Variants in MED12L observed in about 807,000 individuals in gnomAD.
The protein encoded by MED12L is mediator of RNA polymerase II transcription subunit 12-like protein.
MED12L carries 60 observed loss-of-function variants against 281.3 expected under a neutral mutation model. That is an observed-to-expected ratio of 0.21 (90% CI 0.17 to 0.26). MED12L has a LOEUF of 0.26. Ranked by LOEUF, MED12L falls within the 10% of genes least tolerant of loss-of-function variation. MED12L has a pLI of 1.00. For synonymous variants in MED12L, 974 were observed against 987.2 expected (o/e 0.99, Z 0.25); for missense variants, 2,146 against 2,680.9 (o/e 0.80, Z 4.41).
intron 16 of MED12L, among the ~76,000 whole-genome samples, chr3:151,314,210 A>G (rs2149791933): frequency 6.6e-6 from 1 of 152,332 alleles, no homozygotes; most frequent in Admixed American, 6.5e-5. Flanking sequence ...TCTCGCTTAA[A>G]TGTATTTTAG....
chr3:151,215,982 C>T (rs1559889187), intron 16 of MED12L, among the ~76,000 whole-genome samples: 1 of 152,180 alleles, frequency 6.6e-6, no homozygotes, highest in Admixed American at 6.5e-5. Flanking sequence ...CTCAGCTTAG[C>T]TGTCACTTTC....
chr3:151,167,917 A>G (rs1003844396), intron 11 of MED12L, among the ~76,000 whole-genome samples: 2 of 152,180 alleles, frequency 1.3e-5, no homozygotes, highest in Non-Finnish European at 2.9e-5. Context: ...AGCTTCTTGC[A>G]CTAAGTATTG....
At chr3:151,150,640 T>G (rs1329344576) in intron 5 of MED12L, among the ~76,000 whole-genome samples, 1 of 152,238 alleles carries the variant, frequency 6.6e-6, no homozygotes, top group East Asian at 1.9e-4. Context: ...CTGGATGGCA[T>G]CTTCTTCCAA....
intron 24 of MED12L, among the ~76,000 whole-genome samples, 177 bp from the exon 25 acceptor site, chr3:151,367,973 A>G (rs1405568957): frequency 6.6e-6 from 1 of 152,210 alleles, no homozygotes; most frequent in Non-Finnish European, 1.5e-5. Context: ...CTGCTATGTT[A>G]CAGTCTGTTT....
Position 151,357,321 on chromosome 3 carries a change from C to A in MED12L, c.2770C>A (p.Arg924Ser). The A allele has an allele frequency of 6.2e-7, 1 of 1,613,690 alleles. No individual in the cohort carries two copies. The highest frequency in any genetic ancestry group is 1.7e-5 in the Admixed American group (1 of 59,970). Residue 924 changes from arginine to serine, a missense_variant, in exon 20 of 45, where the codon CGC becomes AGC. Around this residue, in one of 9 missense-constraint regions of MED12L, gnomAD observed 404 missense variants for 603.5 expected, o/e 0.67. Coordinates refer to ENST00000687756, the MANE Select transcript of MED12L (RefSeq NM_001393769.1). The stretch of plus-strand genomic sequence containing the variant: ...TGTCTGCATCGTGGCTGTTCTCAGG[C>A]GCTATCACAGTTGTCTAATCTTGAA... ...LCVCIVAVLR[R>S]YHSCLILNPD...
At chr3:151,198,904 T>G (rs1486352891) in intron 16 of MED12L, 2 of 1,614,132 alleles carry the variant, frequency 1.2e-6, no homozygotes, top group African/African-American at 1.3e-5. Flanking sequence ...AACCCACATT[T>G]GACTTTTCCT....
At chr3:151,346,927 A>G (rs1179020677) in intron 16 of MED12L, among the ~76,000 whole-genome samples, 4 of 152,182 alleles carry the variant, frequency 2.6e-5, no homozygotes, top group Non-Finnish European at 5.9e-5. Flanking sequence ...TTAATTTTTT[A>G]TACATTGTAA....
intron 11 of MED12L, among the ~76,000 whole-genome samples, chr3:151,168,314 G>A (rs754869891): frequency 2.0e-5 from 3 of 152,134 alleles, no homozygotes; most frequent in Non-Finnish European, 4.4e-5. Context: ...TATTATGATC[G>A]TATAGGTATA....
intron 16 of MED12L, among the ~76,000 whole-genome samples, chr3:151,208,933 T>G (rs1345913242): frequency 6.6e-6 from 1 of 152,094 alleles, no homozygotes; most frequent in African/African-American, 2.4e-5. Flanking sequence ...TGGTGACACC[T>G]GGAGGCTGAT....
chr3:151,281,426 A>T (rs886123171), intron 16 of MED12L, among the ~76,000 whole-genome samples: 23 of 151,818 alleles, frequency 1.5e-4, no homozygotes, highest in African/African-American at 3.1e-4. Flanking sequence ...AATAAATAAA[A>T]AATAAAAAGA....
At chr3:151,106,937 A>G (rs1722148349) in intron 2 of MED12L, among the ~76,000 whole-genome samples, 1 of 152,190 alleles carries the variant, frequency 6.6e-6, no homozygotes, top group Non-Finnish European at 1.5e-5. Flanking sequence ...TTTAAAGTAT[A>G]GCCTGTAGTT....
At chr3:151,275,529 T>A (rs1235556660) in intron 16 of MED12L, among the ~76,000 whole-genome samples, 4 of 152,212 alleles carry the variant, frequency 2.6e-5, no homozygotes, top group Non-Finnish European at 5.9e-5. Flanking sequence ...TAAAAGCATA[T>A]GACCAGTATT....
intron 16 of MED12L, among the ~76,000 whole-genome samples, chr3:151,314,778 G>A (rs1488569126): frequency 3.9e-5 from 6 of 152,116 alleles, no homozygotes; most frequent in Non-Finnish European, 8.8e-5. Flanking sequence ...CACCTGGATC[G>A]TGGGAATCTA....
intron 13 of MED12L, 98 bp from the exon 14 acceptor site, chr3:151,190,619 A>G (rs1406486028): frequency 3.7e-6 from 4 of 1,091,612 alleles, no homozygotes; most frequent in African/African-American, 3.2e-5. Flanking sequence ...TCCCCAGAAA[A>G]GTTGATTGTG....
At chr3:151,349,295 G>A (rs1172515173) in intron 16 of MED12L, among the ~76,000 whole-genome samples, 1 of 152,208 alleles carries the variant, frequency 6.6e-6, no homozygotes, top group Non-Finnish European at 1.5e-5. Context: ...TGGGGTGGTG[G>A]TGGAGAGGTG....
intron 16 of MED12L, among the ~76,000 whole-genome samples, chr3:151,284,432 C>T (rs1170196537): frequency 6.6e-6 from 1 of 152,012 alleles, no homozygotes; most frequent in Non-Finnish European, 1.5e-5. Context: ...AATTTAATTT[C>T]CTTGGTGGCC....
chr3:151,402,596 G>C (rs1360876470), intron 39 of MED12L, among the ~76,000 whole-genome samples: 2 of 152,174 alleles, frequency 1.3e-5, no homozygotes, highest in Admixed American at 6.5e-5. Flanking sequence ...CTAGCCCCTT[G>C]TTGGTCACAT....
chr3:151,092,440 A>G (rs1311548334), intron 2 of MED12L, among the ~76,000 whole-genome samples: 2 of 152,242 alleles, frequency 1.3e-5, no homozygotes, highest in Non-Finnish European at 2.9e-5. Flanking sequence ...GCCTGGGAGT[A>G]GACTAGGTGC....
At chr3:151,249,195 G>A (rs894172472) in intron 16 of MED12L, 1 of 152,178 alleles carries the variant, frequency 6.6e-6, no homozygotes, top group African/African-American at 2.4e-5. Context: ...TATGAAACCA[G>A]CTGTGAAAAG....
Sources: allele counts gnomAD v4.1 joint callset (sites outside exome capture counted in the v4.1 genomes callset), GRCh38; gene constraint gnomAD v4.1.1; regional missense constraint gnomAD v4.1.1; transcripts MANE v1.5; gene names NCBI Gene and HGNC (gene_info 2026-07-23, HGNC 2026-07-21).